Variants in EPN2 observed in about 807,000 individuals in gnomAD.
EPN2 encodes the protein epsin 2.
EPN2 carries 34 observed loss-of-function variants against 61.7 expected under a neutral mutation model. That is an observed-to-expected ratio of 0.55 (90% CI 0.42 to 0.73). EPN2 has a LOEUF of 0.73. Ranked by LOEUF, EPN2 falls within the 30% of genes least tolerant of loss-of-function variation. The pLI is 0.00. For synonymous variants in EPN2, 349 were observed against 353.6 expected, an observed-to-expected ratio of 0.99 and a Z score of 0.15; for missense variants, 714 against 839.2, an observed-to-expected ratio of 0.85 and a Z score of 1.84.
intron 1 of EPN2, among the ~76,000 whole-genome samples, chr17:19,273,515 A>T (rs1008050587): frequency 6.6e-6 from 1 of 152,056 alleles, no homozygotes; most frequent in South Asian, 2.1e-4. Flanking sequence ...AGACTGATAA[A>T]TTTTTTATTA....
chr17:19,258,357 G>A (rs189004183), intron 1 of EPN2, among the ~76,000 whole-genome samples: 20 of 152,246 alleles, frequency 1.3e-4, no homozygotes, highest in African/African-American at 4.8e-4. Flanking sequence ...CTAAGTGGTC[G>A]CCAGGTCCTT....
In EPN2 at chr17:19,285,633, G is replaced by T; in HGVS notation, c.609G>T (p.Ser203=). ...PASYHGSPEA[S]LCPQHRTGAP... ...CCTGCCCCACAGCGCCTGAGGCCTCGCTGTGCCCCCAGCACCGCACAGGGG... is the reference window on the plus strand; with the variant it reads ...CCTGCCCCACAGCGCCTGAGGCCTCTCTGTGCCCCCAGCACCGCACAGGGG... Residue 203 remains serine, a synonymous_variant, in exon 4 of 11, where the codon TCG becomes TCT. Transcript: ENST00000314728. The surrounding 1 kb of genome is among the most constrained non-coding windows in gnomAD (Gnocchi z 4.5). The T allele has an allele frequency of 6.4e-7, 1 of 1,551,816 alleles. No individual in the cohort carries two copies. Among genetic ancestry groups the T allele is most frequent in the Non-Finnish European group, 8.7e-7 (1 of 1,148,246 alleles).
At chr17:19,274,780 A>C (rs2045289932) in intron 1 of EPN2, among the ~76,000 whole-genome samples, 1 of 152,170 alleles carries the variant, frequency 6.6e-6, no homozygotes, top group Admixed American at 6.5e-5. Context: ...ATTTGGAAAG[A>C]ATTTCCCCAC....
chr17:19,272,735 G>A (rs2045267501), intron 1 of EPN2, among the ~76,000 whole-genome samples: 1 of 152,194 alleles, frequency 6.6e-6, no homozygotes, highest in Non-Finnish European at 1.5e-5. Context: ...AATAGGAGAG[G>A]TAGGGGAGCA....
In EPN2 at chr17:19,257,523, C is replaced by T. The variant is rs78584088; in HGVS notation, c.-294+19992C>T. ...TGATTTATTTTCTCTCTCTCTCTCTCTTTTTTTTTTTTTTGACACGGGGTC... is the reference window on the plus strand; with the variant it reads ...TGATTTATTTTCTCTCTCTCTCTCTTTTTTTTTTTTTTTTGACACGGGGTC... On this transcript the variant is annotated intron_variant, in intron 1 of 10. Coordinates refer to ENST00000314728, the MANE Select transcript of EPN2 (RefSeq NM_014964.5). Among the ~76,000 whole-genome samples, 2,415 of 73,364 alleles carry T rather than the reference C, an allele frequency of 0.033. 99 individuals are homozygous for T. The East Asian group carries it at 0.5, about 15-fold the overall frequency. 48.1% of individuals were successfully genotyped at this position (73,364 alleles called of 152,430 possible).
In EPN2 at chr17:19,335,574, T is replaced by G; in HGVS notation, c.*1320T>G. ...GAGGGCGTGGGGTGGGGGGTGCTTCTGTGCCCACGGGTCCCTGGGCAACAG... is the reference window on the plus strand; with the variant it reads ...GAGGGCGTGGGGTGGGGGGTGCTTCGGTGCCCACGGGTCCCTGGGCAACAG... On this transcript the variant is annotated 3_prime_UTR_variant, in exon 11 of 11. Coordinates refer to ENST00000314728, the MANE Select transcript of EPN2 (RefSeq NM_014964.5). 8.0e-6 allele frequency: 9 copies of G among 1,129,846 alleles called. No homozygotes were observed. The highest frequency in any genetic ancestry group is 8.5e-6 in the Non-Finnish European group (7 of 824,642). 70.0% of individuals were successfully genotyped at this position (1,129,846 alleles called of 1,614,324 possible).
intron 5 of EPN2, 57 bp downstream of exon 5, chr17:19,310,054 T>C: frequency 2.4e-6 from 3 of 1,248,094 alleles, no homozygotes; most frequent in Admixed American, 3.4e-5. Flanking sequence ...GGGTGGAGTG[T>C]GGCTCACTGG....
At chr17:19,320,410 A>G (rs1906587839) in intron 7 of EPN2, among the ~76,000 whole-genome samples, 1 of 152,100 alleles carries the variant, frequency 6.6e-6, no homozygotes. Context: ...CTGCCCACTC[A>G]GGCTTGTAAG....
chr17:19,281,451 GT>G (rs1178168006), intron 1 of EPN2, among the ~76,000 whole-genome samples: 2 of 152,220 alleles, frequency 1.3e-5, no homozygotes, highest in African/African-American at 4.8e-5. Flanking sequence ...GTGATGAGTA[GT>G]CATTGCATTT....
intron 1 of EPN2, among the ~76,000 whole-genome samples, chr17:19,267,520 T>C (rs775667117): frequency 2.6e-5 from 4 of 151,034 alleles, no homozygotes; most frequent in African/African-American, 4.9e-5. Flanking sequence ...AAGAAAAATA[T>C]GAAGCAAGCA....
chr17:19,263,779 G>A (rs992934719), intron 1 of EPN2, among the ~76,000 whole-genome samples: 2 of 152,232 alleles, frequency 1.3e-5, no homozygotes, highest in Non-Finnish European at 2.9e-5. Flanking sequence ...CAGTCACTGA[G>A]TCACCAGACC....
At chr17:19,312,708 C>T (rs1471795831) in intron 6 of EPN2, among the ~76,000 whole-genome samples, 2 of 152,188 alleles carry the variant, frequency 1.3e-5, no homozygotes, top group Non-Finnish European at 2.9e-5. Context: ...CCTGATGACA[C>T]ATGGGGTGGT....
chr17:19,263,279 C>T (rs2152208857), intron 1 of EPN2, among the ~76,000 whole-genome samples: 1 of 152,252 alleles, frequency 6.6e-6, no homozygotes, highest in African/African-American at 2.4e-5. Context: ...ACTGGAAATA[C>T]TTGGTGACTA....
In EPN2 at chr17:19,333,976, CCT is replaced by C. The variant is rs1491403543; in HGVS notation, c.1649_1650del (p.Pro550ArgfsTer2). On this transcript the variant is annotated frameshift_variant, in exon 11 of 11. Transcript: ENST00000314728. LOFTEE classifies it high-confidence loss of function. ...CCCAGGTGCTCCCGCCACCTCGGCC[CCT>C]GTTAACCCTTTCCAGGTGAACCAGC... is the stretch of plus-strand genomic sequence containing the variant. Reference protein sequence around the residue: ...LAPGAPATSAPVNPFQVNQPQ... With the variant: ...LAPGAPATSAXVNPFQVNQPQ... The C allele has an allele frequency of 5.8e-6, 9 of 1,556,250 alleles. No individual in the cohort carries two copies. The highest frequency in any genetic ancestry group is 1.4e-5 in the African/African-American group (1 of 73,564).
At chr17:19,296,220 G>C (rs1046797359) in intron 4 of EPN2, among the ~76,000 whole-genome samples, 15 of 151,914 alleles carry the variant, frequency 9.9e-5, no homozygotes, top group African/African-American at 3.6e-4. Context: ...GCGTGATCTC[G>C]GCTCACTACA....
At chr17:19,254,504 G>A (rs958797689) in intron 1 of EPN2, among the ~76,000 whole-genome samples, 16 of 152,236 alleles carry the variant, frequency 1.1e-4, no homozygotes, top group Non-Finnish European at 1.6e-4. Flanking sequence ...TCGCACCACC[G>A]CACTCCATCT....
At position 19,255,684 on chromosome 17, in the gene EPN2, T is replaced by G. The variant is rs1233091121; in HGVS notation, c.-294+18153T>G. On this transcript the variant is annotated intron_variant, in intron 1 of 10. Transcript: ENST00000314728. Reference sequence around the variant, plus strand: ...TGTTGCCCAGCTGGAGTGTGGTGGCTCACTCATAGCTCACTGTAGCCTCTA... The same window carrying G: ...TGTTGCCCAGCTGGAGTGTGGTGGCGCACTCATAGCTCACTGTAGCCTCTA... 2.0e-5 allele frequency among the ~76,000 whole-genome samples: 3 copies of G among 151,180 alleles called. No individual in the cohort carries two copies. In the East Asian group the frequency reaches 5.9e-4, roughly 30 times the overall value.
intron 4 of EPN2, among the ~76,000 whole-genome samples, chr17:19,289,823 C>T (rs924481664): frequency 6.7e-6 from 1 of 148,688 alleles, no homozygotes; most frequent in Non-Finnish European, 1.5e-5. Context: ...GCCTAGCTGG[C>T]TTCAAGCTAT....
At chr17:19,303,385 G>C (rs1905633389) in intron 4 of EPN2, among the ~76,000 whole-genome samples, 1 of 152,160 alleles carries the variant, frequency 6.6e-6, no homozygotes. Context: ...GCTGAGTCTG[G>C]CCATCCTGTC....
Sources: gnomAD v4.1 joint callset for allele counts (sites outside exome capture counted in the v4.1 genomes callset) on GRCh38, gnomAD v4.1.1 for gene constraint, Gnocchi (gnomAD v3.1) non-coding constraint, MANE v1.5 for transcripts, NCBI Gene and HGNC (gene_info 2026-07-23, HGNC 2026-07-21) for gene names.